VPS13C: variants seen among roughly 807,000 people sequenced by gnomAD.
VPS13C encodes the protein vacuolar protein sorting 13 homolog C, also known as intermembrane lipid transfer protein VPS13C.
Under a neutral mutation model 456.8 loss-of-function variants are expected in VPS13C, and 358 were observed. The ratio of observed to expected loss-of-function variants is 0.78; its 90% CI spans 0.72 to 0.86. VPS13C has a LOEUF of 0.86. Ranked by LOEUF, VPS13C falls within the 40% of genes least tolerant of loss-of-function variation. The probability of loss-of-function intolerance (pLI) is 0.00; values close to 1 mark genes in which losing one functional copy is unlikely to be tolerated. For synonymous variants in VPS13C, 1,578 were observed against 1,486.7 expected, an observed-to-expected ratio of 1.06 and a Z score of -1.41; for missense variants, 4,818 against 4,385.4, an observed-to-expected ratio of 1.10 and a Z score of -2.79.
rs759376367 is a variant in VPS13C at position 61,878,747 on chromosome 15, C to G, written c.10003-1G>C. On this transcript the variant is annotated splice_acceptor_variant, in intron 73 of 84. Coordinates refer to ENST00000644861, the MANE Select transcript of VPS13C (RefSeq NM_020821.3). LOFTEE classifies it high-confidence loss of function. ...AACCCAAAGACAAACTCAAATGCAA[C>G]TAAAAGAAAAATAATGTTCAATAAA... 1.9e-6 allele frequency: 3 copies of G among 1,598,646 alleles called. No homozygotes were observed. Among genetic ancestry groups the G allele is most frequent in the East Asian group, 2.2e-5 (1 of 44,504 alleles).
At chr15:62,035,508 A>G (rs922560462) in intron 3 of VPS13C, among the ~76,000 whole-genome samples, 6 of 152,026 alleles carry the variant, frequency 3.9e-5, no homozygotes, top group Non-Finnish European at 8.8e-5. Flanking sequence ...ATCCACATCA[A>G]CAAATAAATC....
chr15:62,010,012 G>A (rs576457948), intron 13 of VPS13C, among the ~76,000 whole-genome samples: 3 of 151,830 alleles, frequency 2.0e-5, no homozygotes, highest in East Asian at 1.9e-4. Context: ...ACAGTGAAAC[G>A]CCATCTCTAC....
intron 15 of VPS13C, among the ~76,000 whole-genome samples, chr15:62,003,400 C>A (rs1443413970): frequency 6.6e-6 from 1 of 151,782 alleles, no homozygotes; most frequent in Admixed American, 6.6e-5. Flanking sequence ...AGTTGCTTAT[C>A]AGCTTAAGGA....
intron 1 of VPS13C, among the ~76,000 whole-genome samples, chr15:62,044,829 C>A (rs1567144880): frequency 6.6e-6 from 1 of 152,026 alleles, no homozygotes; most frequent in Non-Finnish European, 1.5e-5. Context: ...TAAACACTAT[C>A]CCTGTATTTG....
intron 4 of VPS13C, among the ~76,000 whole-genome samples, chr15:62,034,156 G>A (rs2047909531): frequency 6.6e-6 from 1 of 151,390 alleles, no homozygotes; most frequent in Admixed American, 6.6e-5. Flanking sequence ...AAAAACAGTA[G>A]GTAGCCCACA....
At chr15:61,983,746 A>C in intron 20 of VPS13C, 74 bp downstream of exon 20, 1 of 1,431,644 alleles carries the variant, frequency 7.0e-7, no homozygotes, top group Non-Finnish European at 9.5e-7. Flanking sequence ...AATATGAAAG[A>C]GGAGAAATAA....
At chr15:61,897,501 A>G (rs576423559) in intron 66 of VPS13C, among the ~76,000 whole-genome samples, 2 of 152,360 alleles carry the variant, frequency 1.3e-5, no homozygotes, top group African/African-American at 4.8e-5. Context: ...AAAGGGTATC[A>G]GCGATGGAAG....
intron 45 of VPS13C, among the ~76,000 whole-genome samples, chr15:61,942,526 G>A (rs985773567): frequency 3.3e-5 from 5 of 150,156 alleles, no homozygotes; most frequent in African/African-American, 4.9e-5. Context: ...AGCTTCTGCC[G>A]GCTTATTTCT....
At chr15:61,951,799 TAC>T (rs1430045119) in intron 39 of VPS13C, 23 bp downstream of exon 39, 4 of 1,594,086 alleles carry the variant, frequency 2.5e-6, no homozygotes, top group Non-Finnish European at 3.4e-6. Context: ...ATGAATAATT[TAC>T]ACAGACAATA....
intron 66 of VPS13C, among the ~76,000 whole-genome samples, chr15:61,894,666 G>C (rs1433856626): frequency 6.6e-6 from 1 of 152,032 alleles, no homozygotes; most frequent in Non-Finnish European, 1.5e-5. Context: ...ATGATAAAGA[G>C]GTCAATTCAG....
At chr15:62,057,360 T>C (rs910546090) in intron 1 of VPS13C, among the ~76,000 whole-genome samples, 25 of 152,216 alleles carry the variant, frequency 1.6e-4, no homozygotes, top group African/African-American at 6.0e-4. Flanking sequence ...AATATTCCCA[T>C]TTGTTTACCC....
intron 8 of VPS13C, among the ~76,000 whole-genome samples, chr15:62,021,492 C>T (rs898994543): frequency 1.3e-5 from 2 of 151,852 alleles, no homozygotes; most frequent in African/African-American, 4.8e-5. Flanking sequence ...ATCCACAGTG[C>T]TTAAACTATA....
Position 62,034,639 on chromosome 15 carries a change from T to C in VPS13C, c.283+318A>G, listed in dbSNP as rs530689014. On this transcript the variant is annotated intron_variant, in intron 4 of 84. Transcript: ENST00000644861. ...ACATCAGGATATTTTTAAAGATTTA[T>C]TTCACTTCATTTATTATCAGTAAAT... Among the ~76,000 whole-genome samples, 214 of 151,936 alleles carry C rather than the reference T, an allele frequency of 1.4e-3. 1 individual carries two copies. The highest frequency in any genetic ancestry group is 4.8e-3 in the African/African-American group (201 of 41,554).
At chr15:61,995,942 C>T (rs780902712) in intron 16 of VPS13C, among the ~76,000 whole-genome samples, 1 of 152,158 alleles carries the variant, frequency 6.6e-6, no homozygotes, top group African/African-American at 2.4e-5. Flanking sequence ...AAGGGCCTCA[C>T]CATGGAGCAC....
chr15:62,013,944 T>C lies in VPS13C; in HGVS notation c.733A>G (p.Ile245Val). ...TTCCAACATAATACCTTGTATATAA[T>C]TTTGTCTGCTTCATTTAATATGCAT... ...TPCILNEADKIIYKLIRLDSL... is the reference protein window; with the variant it reads ...TPCILNEADKVIYKLIRLDSL... The change falls in exon 10 of 85, where the codon ATT becomes GTT. Residue 245 changes from isoleucine to valine, a missense_variant. Coordinates refer to ENST00000644861, the MANE Select transcript of VPS13C (RefSeq NM_020821.3). The C allele has an allele frequency of 1.2e-6, 2 of 1,608,604 alleles. No individual in the cohort carries two copies. The highest frequency in any genetic ancestry group is 1.7e-6 in the Non-Finnish European group (2 of 1,177,194).
chr15:62,060,193 G>A (rs1198721032), intron 1 of VPS13C, 82 bp downstream of exon 1: 2 of 741,020 alleles, frequency 2.7e-6, no homozygotes, highest in South Asian at 1.5e-5. Context: ...CAGGGAGCAG[G>A]GCCCGGGCAG....
chr15:62,010,398 G>A (rs544949286), intron 13 of VPS13C, 74 bp downstream of exon 13: 4 of 1,382,344 alleles, frequency 2.9e-6, no homozygotes, highest in Non-Finnish European at 3.8e-6. Context: ...AACCACTAGA[G>A]AAGTAATAAT....
intron 82 of VPS13C, among the ~76,000 whole-genome samples, chr15:61,857,760 G>A (rs1195129170): frequency 2.0e-5 from 3 of 152,190 alleles, no homozygotes; most frequent in Non-Finnish European, 2.9e-5. Context: ...GAAGCCTCAA[G>A]TATGGCAGTG....
At position 61,991,771 on chromosome 15, in the gene VPS13C, T is replaced by A; in HGVS notation, c.1385A>T (p.Lys462Met). ...VIRSGQKLRK[K>M]SADTGEKRGG... ...ACGTTTCTCGCCTGTGTCAGCAGACTTTTTCCTTAATTTTTGCCCAGACCG... is the reference window on the plus strand; with the variant it reads ...ACGTTTCTCGCCTGTGTCAGCAGACATTTTCCTTAATTTTTGCCCAGACCG... The change falls in exon 17 of 85, where the codon AAG becomes ATG. Residue 462 changes from lysine to methionine, a missense_variant. Coordinates refer to ENST00000644861, the MANE Select transcript of VPS13C (RefSeq NM_020821.3). 2 of 1,613,100 alleles carry A rather than the reference T, an allele frequency of 1.2e-6. No individual in the cohort carries two copies. The highest frequency in any genetic ancestry group is 1.7e-6 in the Non-Finnish European group (2 of 1,179,502).
Sources: gnomAD v4.1 joint callset for allele counts (sites outside exome capture counted in the v4.1 genomes callset) on GRCh38, gnomAD v4.1.1 for gene constraint, MANE v1.5 for transcripts, NCBI Gene and HGNC (gene_info 2026-07-23, HGNC 2026-07-21) for gene names.